Variants in CBLN2 observed in about 807,000 individuals in gnomAD.
CBLN2 encodes the protein cerebellin-2.
A neutral mutation model predicts 15.0 loss-of-function variants in CBLN2; 7 were observed. That is an observed-to-expected ratio of 0.47 (90% CI 0.27 to 0.88). The LOEUF is 0.88. Ranked by LOEUF, CBLN2 falls within the 40% of genes least tolerant of loss-of-function variation. The pLI is 0.14. For synonymous variants in CBLN2, 149 were observed against 135.2 expected (o/e 1.10, Z -0.71); for missense variants, 242 against 304.5 (o/e 0.79, Z 1.53).
exon 1 of CBLN2, chr18:72,638,379 C>A (rs1883299317): frequency 2.5e-6 from 1 of 398,556 alleles, no homozygotes; most frequent in Non-Finnish European, 4.4e-6. Context: ...CCCAGCAGAT[C>A]TGAAGAATGT....
intron 1 of CBLN2, among the ~76,000 whole-genome samples, chr18:72,550,253 T>C (rs2069183849): frequency 1.3e-5 from 2 of 152,212 alleles, no homozygotes; most frequent in African/African-American, 4.8e-5. Context: ...AGAAAGTATA[T>C]GGATTTCCCC....
chr18:72,542,815 G>A (rs1384716313), intron 2 of CBLN2, among the ~76,000 whole-genome samples: 1 of 151,808 alleles, frequency 6.6e-6, no homozygotes, highest in Non-Finnish European at 1.5e-5. Flanking sequence ...GTCCATTTAA[G>A]TCCCTTTGGT....
intron 1 of CBLN2, among the ~76,000 whole-genome samples, chr18:72,554,065 G>A (rs1033276580): frequency 6.6e-6 from 1 of 152,100 alleles, no homozygotes; most frequent in Non-Finnish European, 1.5e-5. Flanking sequence ...AATTAATAAC[G>A]AATCACATAA....
chr18:72,558,010 A>G (rs942191391), intron 1 of CBLN2, among the ~76,000 whole-genome samples: 22 of 152,334 alleles, frequency 1.4e-4, no homozygotes, highest in Admixed American at 1.4e-3. Flanking sequence ...GCTGGCAGAA[A>G]TGAATAGCTC....
chr18:72,610,169 AGTT>A (rs1024974191), intron 1 of CBLN2, among the ~76,000 whole-genome samples: 21 of 151,830 alleles, frequency 1.4e-4, no homozygotes, highest in South Asian at 1.2e-3. Flanking sequence ...TTCTGAGATG[AGTT>A]GTTGTTGTTG....
chr18:72,622,602 T>C (rs1296011063), intron 1 of CBLN2, among the ~76,000 whole-genome samples: 2 of 152,186 alleles, frequency 1.3e-5, no homozygotes, highest in Non-Finnish European at 2.9e-5. Flanking sequence ...AGATCCCTTA[T>C]AAAAATTTCC....
chr18:72,613,499 AAG>A (rs1491481921), intron 1 of CBLN2, among the ~76,000 whole-genome samples: 1 of 77,258 alleles, frequency 1.3e-5, no homozygotes, highest in Non-Finnish European at 4.5e-5. Context: ...CTTTAGTTGA[AAG>A]ATTAACCTGC....
At chr18:72,547,207 C>G (rs894657607), upstream of CBLN2, among the ~76,000 whole-genome samples, 1 of 151,580 alleles carries the variant, frequency 6.6e-6, no homozygotes, top group African/African-American at 2.4e-5. Flanking sequence ...TCTTTTGCAG[C>G]GACATAGATG....
chr18:72,598,643 C>G (rs1199467681), intron 1 of CBLN2, among the ~76,000 whole-genome samples: 1 of 152,174 alleles, frequency 6.6e-6, no homozygotes, highest in Non-Finnish European at 1.5e-5. Flanking sequence ...AGTTGTAGTC[C>G]TTGTGTCCTA....
intron 1 of CBLN2, among the ~76,000 whole-genome samples, chr18:72,599,463 ATCT>A (rs1178649165): frequency 6.6e-6 from 1 of 152,216 alleles, no homozygotes; most frequent in Non-Finnish European, 1.5e-5. Context: ...AAAGGATATA[ATCT>A]TCTTATGACA....
chr18:72,570,343 T>C (rs1366994632), intron 1 of CBLN2, among the ~76,000 whole-genome samples: 1 of 148,336 alleles, frequency 6.7e-6, no homozygotes, highest in Non-Finnish European at 1.5e-5. Context: ...GCTCAGGCAA[T>C]ATGCCCACCT....
chr18:72,628,692 C>T (rs913665086), intron 1 of CBLN2, among the ~76,000 whole-genome samples: 2 of 152,214 alleles, frequency 1.3e-5, no homozygotes, highest in African/African-American at 4.8e-5. Flanking sequence ...AACTGTTTCA[C>T]ACATTTCGTC....
chr18:72,631,300 T>C (rs1361575761), intron 1 of CBLN2, among the ~76,000 whole-genome samples: 1 of 152,160 alleles, frequency 6.6e-6, no homozygotes, highest in Non-Finnish European at 1.5e-5. Context: ...GCTTGTTTCA[T>C]TTTGTTTTGA....
intron 1 of CBLN2, among the ~76,000 whole-genome samples, chr18:72,601,455 A>G (rs1418419474): frequency 6.6e-6 from 1 of 152,118 alleles, no homozygotes; most frequent in East Asian, 1.9e-4. Context: ...TCCAAGAAGG[A>G]AATAGATTCC....
chr18:72,603,021 T>G (rs1424602580), intron 1 of CBLN2, among the ~76,000 whole-genome samples: 1 of 152,230 alleles, frequency 6.6e-6, no homozygotes, highest in African/African-American at 2.4e-5. Flanking sequence ...GATTCCATCA[T>G]CTGTAAAAAA....
intron 3 of CBLN2, among the ~76,000 whole-genome samples, chr18:72,541,468 C>T (rs1334347729): frequency 1.3e-5 from 2 of 152,078 alleles, no homozygotes; most frequent in Non-Finnish European, 2.9e-5. Context: ...ACCACACCGC[C>T]GTGAAAAGTA....
intron 1 of CBLN2, among the ~76,000 whole-genome samples, chr18:72,597,890 G>T (rs1316226234): frequency 1.3e-5 from 2 of 152,208 alleles, no homozygotes; most frequent in East Asian, 3.9e-4. Context: ...GGGCTCTTTA[G>T]TCATCTTGCA....
intron 1 of CBLN2, among the ~76,000 whole-genome samples, chr18:72,559,104 C>T (rs2069244353): frequency 6.6e-6 from 1 of 152,140 alleles, no homozygotes; most frequent in Non-Finnish European, 1.5e-5. Context: ...ATATAAAGTA[C>T]ACCCTGAAGC....
chr18:72,538,627 A>C (rs534997892), intron 4 of CBLN2, 26 bp downstream of exon 4: 2 of 1,612,904 alleles, frequency 1.2e-6, no homozygotes, highest in East Asian at 4.5e-5. Context: ...TCAAACCTGA[A>C]AGGATCCAGT....
Sources: gnomAD v4.1 joint callset for allele counts (sites outside exome capture counted in the v4.1 genomes callset) on GRCh38, gnomAD v4.1.1 for gene constraint, MANE v1.5 for transcripts, NCBI Gene and HGNC (gene_info 2026-07-23, HGNC 2026-07-21) for gene names.